Variants in PARD3B observed in about 807,000 individuals in gnomAD.
PARD3B encodes the protein partitioning defective 3 homolog B.
PARD3B carries 103 observed loss-of-function variants against 130.2 expected under a neutral mutation model. That is an observed-to-expected ratio of 0.79 (90% CI 0.67 to 0.93). The LOEUF is 0.93. Ranked by LOEUF, PARD3B falls within the 40% of genes least tolerant of loss-of-function variation. The pLI is 0.00. For synonymous variants in PARD3B, 583 were observed against 553.2 expected (o/e 1.05, Z -0.76); for missense variants, 1,609 against 1,499.2 (o/e 1.07, Z -1.21).
chr2:204,574,872 AT>A (rs1442364321), intron 1 of PARD3B, among the ~76,000 whole-genome samples: 1 of 152,208 alleles, frequency 6.6e-6, no homozygotes, highest in Non-Finnish European at 1.5e-5. Flanking sequence ...TTGTGAGTAG[AT>A]ACATGAATGT....
In PARD3B at chr2:205,160,835, A is replaced by C. The variant is rs929658814; in HGVS notation, c.1620+1928A>C. On this transcript the variant is annotated intron_variant, in intron 11 of 22. Coordinates refer to ENST00000406610, the MANE Select transcript of PARD3B (RefSeq NM_001302769.2). This position sits in a 1 kb window ranked among gnomAD's most constrained non-coding sequence, Gnocchi z 4.0. Reference sequence around the variant, plus strand: ...ACCCTTTAGTGCCTTTCCTGTGGTCAGATAGCCAGGAATTACTTTAAGATT... The same window carrying C: ...ACCCTTTAGTGCCTTTCCTGTGGTCCGATAGCCAGGAATTACTTTAAGATT... Among the ~76,000 whole-genome samples the C allele has an allele frequency of 8.5e-5, 13 of 152,334 alleles. No individual in the cohort carries two copies. The East Asian group carries it at 2.5e-3, about 29-fold the overall frequency.
intron 2 of PARD3B, among the ~76,000 whole-genome samples, chr2:204,953,999 C>T (rs975252377): frequency 2.0e-5 from 3 of 152,062 alleles, no homozygotes; most frequent in African/African-American, 4.8e-5. Context: ...GAGGAGGGAG[C>T]GAGGACCCCA....
At chr2:204,688,075 G>A (rs17595210) in intron 2 of PARD3B, among the ~76,000 whole-genome samples, 7,455 of 152,070 alleles carry the variant, frequency 0.049, 509 homozygotes, top group African/African-American at 0.15. Flanking sequence ...GTTTTAATGG[G>A]ACTCTACCAC....
intron 2 of PARD3B, among the ~76,000 whole-genome samples, chr2:204,706,564 C>T (rs895808594): frequency 5.3e-5 from 8 of 151,856 alleles, no homozygotes; most frequent in African/African-American, 1.5e-4. Context: ...TAGCGTTTTT[C>T]TTCAAAGACA....
At chr2:204,583,873 T>C (rs1421850065) in intron 1 of PARD3B, among the ~76,000 whole-genome samples, 1 of 152,258 alleles carries the variant, frequency 6.6e-6, no homozygotes, top group African/African-American at 2.4e-5. Flanking sequence ...TTTGACCTTG[T>C]TCAGATCTTG....
chr2:205,117,575 G>T (rs1467958543), intron 6 of PARD3B, among the ~76,000 whole-genome samples: 1 of 152,166 alleles, frequency 6.6e-6, no homozygotes, highest in Non-Finnish European at 1.5e-5. Context: ...GGCTGACCCT[G>T]TTATTTACAC....
At chr2:204,692,671 G>T (rs1443482430) in intron 2 of PARD3B, among the ~76,000 whole-genome samples, 5 of 151,976 alleles carry the variant, frequency 3.3e-5, no homozygotes, top group African/African-American at 1.2e-4. Flanking sequence ...TTGGTTCATG[G>T]GAGTTGATGT....
chr2:205,583,044 G>T (rs943919239), intron 22 of PARD3B, among the ~76,000 whole-genome samples: 3 of 152,192 alleles, frequency 2.0e-5, no homozygotes, highest in Non-Finnish European at 4.4e-5. Flanking sequence ...TGTTACAAAA[G>T]TGTATGGAAT....
intron 1 of PARD3B, among the ~76,000 whole-genome samples, chr2:204,674,022 G>C (rs1357067152): frequency 6.6e-6 from 1 of 152,024 alleles, no homozygotes; most frequent in Non-Finnish European, 1.5e-5. Flanking sequence ...GTTATACCCT[G>C]AGCCCGTCCC....
rs74597583 is a variant in PARD3B at position 205,164,931 on chromosome 2, T to A, written c.1620+6024T>A. ...CCACAGTATGAACTCTGCATACATA[T>A]ACACACGTTTTTGTTCTAGCATTCT... On this transcript the variant is annotated intron_variant, in intron 11 of 22. Transcript: ENST00000406610. Among the ~76,000 whole-genome samples the A allele has an allele frequency of 1.3e-3, 172 of 131,250 alleles. 1 individual carries two copies. The highest frequency in any genetic ancestry group is 2.0e-3 in the Admixed American group (27 of 13,772). The allele number at this position is 131,250 out of a possible 152,430, so 86.1% of individuals were successfully genotyped here.
intron 2 of PARD3B, among the ~76,000 whole-genome samples, chr2:204,928,503 G>C (rs36049194): frequency 6.6e-6 from 1 of 151,934 alleles, no homozygotes; most frequent in Non-Finnish European, 1.5e-5. Flanking sequence ...ATATAAACGT[G>C]TATGCCTAAA....
intron 1 of PARD3B, among the ~76,000 whole-genome samples, chr2:204,597,463 T>G (rs1295324719): frequency 6.6e-6 from 1 of 152,216 alleles, no homozygotes; most frequent in Non-Finnish European, 1.5e-5. Flanking sequence ...AGTTTAAGTG[T>G]CAATGTAGCC....
In PARD3B at chr2:205,142,096, C is replaced by T. The variant is rs561554823; in HGVS notation, c.1434+16359C>T. 4.6e-5 allele frequency among the ~76,000 whole-genome samples: 7 copies of T among 152,112 alleles called. No individual in the cohort carries two copies. Among genetic ancestry groups the T allele is most frequent in the South Asian group, 2.1e-4 (1 of 4,812 alleles). On this transcript the variant is annotated intron_variant, in intron 10 of 22. Transcript: ENST00000406610. The surrounding 1 kb of genome is among the most constrained non-coding windows in gnomAD (Gnocchi z 4.3). ...ATAATAATAAATAACCATGATATAACGTGATTAGTGCTATGCTTTTATTAT... is the reference window on the plus strand; with the variant it reads ...ATAATAATAAATAACCATGATATAATGTGATTAGTGCTATGCTTTTATTAT...
intron 1 of PARD3B, among the ~76,000 whole-genome samples, chr2:204,567,807 G>A (rs756644750): frequency 2.7e-4 from 41 of 152,154 alleles, no homozygotes; most frequent in Non-Finnish European, 4.6e-4. Context: ...CCACAATGCT[G>A]TATCATTTTA....
At chr2:205,219,450 A>AATCTATTACACAGTAGTAATAG (rs2038120169) in intron 15 of PARD3B, among the ~76,000 whole-genome samples, 1 of 152,212 alleles carries the variant, frequency 6.6e-6, no homozygotes, top group Non-Finnish European at 1.5e-5. Context: ...AACTTTTCAA[A>AATCTATTACACAGTAGTAATAG]ATCTATTACA....
chr2:205,251,097 A>G (rs1480795755), intron 16 of PARD3B, among the ~76,000 whole-genome samples: 1 of 152,172 alleles, frequency 6.6e-6, no homozygotes, highest in Non-Finnish European at 1.5e-5. Flanking sequence ...ACACACACAC[A>G]TATCAAGCTA....
intron 21 of PARD3B, among the ~76,000 whole-genome samples, chr2:205,517,951 T>G (rs552528051): frequency 1.3e-5 from 2 of 152,286 alleles, no homozygotes; most frequent in South Asian, 4.1e-4. Flanking sequence ...GAGAGTGTGT[T>G]TGTTATGATT....
chr2:204,955,201 T>A (rs1262116669), intron 2 of PARD3B, among the ~76,000 whole-genome samples: 1 of 152,254 alleles, frequency 6.6e-6, no homozygotes, highest in African/African-American at 2.4e-5. Context: ...ACTGTACAGT[T>A]GTGTTTGTTT....
rs923365937 is a variant in PARD3B at position 205,440,617 on chromosome 2, G to A, written c.2989G>A (p.Glu997Lys). 1 of 1,613,890 alleles carries A rather than the reference G, an allele frequency of 6.2e-7. No homozygotes were observed. Among genetic ancestry groups the A allele is most frequent in the Non-Finnish European group, 8.5e-7 (1 of 1,179,838 alleles). ...ACTGTCTCCAGAAAGAGACCACTTAGAGGGTCTCTATGCCAAGGTCAACAA... is the reference window on the plus strand; with the variant it reads ...ACTGTCTCCAGAAAGAGACCACTTAAAGGGTCTCTATGCCAAGGTCAACAA... ...HPLSPERDHL[E>K]GLYAKVNKPY... Residue 997 changes from glutamate to lysine, a missense_variant, in exon 20 of 23, where the codon GAG (glutamate) becomes AAG (lysine). Glu to Lys is a moderately conservative substitution (Grantham distance 56). Transcript: ENST00000406610. The surrounding 1 kb of genome is among the most constrained non-coding windows in gnomAD (Gnocchi z 4.2).
Sources: gnomAD v4.1 joint callset for allele counts (sites outside exome capture counted in the v4.1 genomes callset) on GRCh38, gnomAD v4.1.1 for gene constraint, Gnocchi (gnomAD v3.1) non-coding constraint, MANE v1.5 for transcripts, NCBI Gene and HGNC (gene_info 2026-07-23, HGNC 2026-07-21) for gene names.